Variants in CDYL observed in about 807,000 individuals in gnomAD.
The protein encoded by CDYL is chromodomain Y like, also known as chromodomain Y-like protein.
In CDYL, 8 loss-of-function variants were observed where a neutral mutation model predicts 47.3. The observed-to-expected ratio is 0.17, with a 90% CI of 0.10 to 0.31. The LOEUF (loss-of-function observed/expected upper bound fraction) is 0.31, where lower values mean the gene tolerates loss of function less well. Ranked by LOEUF, CDYL falls within the 10% of genes least tolerant of loss-of-function variation. CDYL has a pLI of 1.00. For missense variants in CDYL, 471 were observed against 701.4 expected (o/e 0.67, Z 3.71); for synonymous variants, 266 against 265.0 (o/e 1.00, Z -0.04).
chr6:4,771,221 C>T (rs1356581447), intron 3 of CDYL, among the ~76,000 whole-genome samples: 3 of 152,000 alleles, frequency 2.0e-5, no homozygotes, highest in Non-Finnish European at 2.9e-5. Flanking sequence ...TCAAGTGATC[C>T]TCTTGCCTCA....
intron 2 of CDYL, among the ~76,000 whole-genome samples, chr6:4,902,574 C>T (rs1039616460): frequency 6.6e-6 from 1 of 152,200 alleles, no homozygotes; most frequent in African/African-American, 2.4e-5. Flanking sequence ...GTGCCCAGCT[C>T]TGTACTTCCT....
chr6:4,794,404 A>C (rs1759012885), intron 1 of CDYL, among the ~76,000 whole-genome samples: 1 of 152,086 alleles, frequency 6.6e-6, no homozygotes, highest in African/African-American at 2.4e-5. Context: ...TGGAGACTGG[A>C]GTCTGGCATG....
At chr6:4,819,567 C>T (rs1759775955) in intron 1 of CDYL, among the ~76,000 whole-genome samples, 1 of 152,158 alleles carries the variant, frequency 6.6e-6, no homozygotes, top group East Asian at 1.9e-4. Context: ...CATCTTGAGG[C>T]TCAGGTATCT....
chr6:4,818,550 G>C (rs773542744), intron 1 of CDYL, among the ~76,000 whole-genome samples: 1 of 152,164 alleles, frequency 6.6e-6, no homozygotes, highest in Non-Finnish European at 1.5e-5. Context: ...GTATTCATTA[G>C]ATGCATAGAG....
intron 1 of CDYL, among the ~76,000 whole-genome samples, chr6:4,802,703 T>C (rs1439633565): frequency 6.6e-6 from 1 of 152,176 alleles, no homozygotes; most frequent in Non-Finnish European, 1.5e-5. Flanking sequence ...TTTCATTGCT[T>C]TTAGGGTCAT....
In CDYL at chr6:4,900,110, T is replaced by C. The variant is rs529884162; in HGVS notation, c.691+7731T>C. The stretch of plus-strand genomic sequence containing the variant: ...GTTCACTGTTACCTCCCCCTCTGAA[T>C]ACCAAATTCCCCAGAGAGAACATCA... On this transcript the variant is annotated intron_variant, in intron 2 of 6. Coordinates refer to ENST00000397588, the MANE Select transcript of CDYL (RefSeq NM_004824.4). 4.6e-5 allele frequency among the ~76,000 whole-genome samples: 7 copies of C among 152,354 alleles called. No individual in the cohort carries two copies. The South Asian group carries it at 1.0e-3, about 23-fold the overall frequency.
intron 1 of CDYL, among the ~76,000 whole-genome samples, chr6:4,797,426 T>C (rs1759104177): frequency 6.7e-6 from 1 of 149,706 alleles, no homozygotes; most frequent in Non-Finnish European, 1.5e-5. Flanking sequence ...TCTTTTCATT[T>C]CTTTTTTTTT....
At chr6:4,921,622 A>C (rs766874719) in intron 2 of CDYL, among the ~76,000 whole-genome samples, 34 of 152,032 alleles carry the variant, frequency 2.2e-4, no homozygotes, top group Admixed American at 1.0e-3. Context: ...CAATGCCTCC[A>C]CCTTTGTGTC....
At position 4,892,102 on chromosome 6, in the gene CDYL, A is replaced by G. The variant is rs72821458; in HGVS notation, c.414A>G (p.Ser138=). The G allele has an allele frequency of 5.6e-6, 9 of 1,614,242 alleles. No homozygotes were observed. Among genetic ancestry groups the G allele is most frequent in the African/African-American group, 1.3e-5 (1 of 75,062 alleles). ...SSRKNMDLAK[S]GIKILVPKSP... ...GGAAGAACATGGACCTAGCGAAGTC[A>G]GGTATCAAGATCCTCGTGCCTAAAA... The change falls in exon 2 of 7, where the codon TCA becomes TCG. Residue 138 remains serine, a synonymous_variant. Coordinates refer to ENST00000397588, the MANE Select transcript of CDYL (RefSeq NM_004824.4).
chr6:4,947,820 TCACGGCGGTTCCCGGTGCCC>T (rs1758575790), intron 5 of CDYL, among the ~76,000 whole-genome samples: 1 of 152,162 alleles, frequency 6.6e-6, no homozygotes, highest in Non-Finnish European at 1.5e-5. Flanking sequence ...CCACGTGGCC[TCACGGCGGTTCCCGGTGCCC>T]CACTGCAGTT....
At chr6:4,921,573 T>G (rs1757718142) in intron 2 of CDYL, among the ~76,000 whole-genome samples, 1 of 152,160 alleles carries the variant, frequency 6.6e-6, no homozygotes, top group South Asian at 2.1e-4. Context: ...TTGTTATTCC[T>G]CGTAGGTGGG....
At chr6:4,950,805 G>T (rs1388894062) in intron 5 of CDYL, among the ~76,000 whole-genome samples, 1 of 151,964 alleles carries the variant, frequency 6.6e-6, no homozygotes, top group Non-Finnish European at 1.5e-5. Context: ...GGTGGCGGGC[G>T]CCTGTAGTCC....
chr6:4,856,422 T>A (rs2127466221), intron 1 of CDYL, among the ~76,000 whole-genome samples: 1 of 152,142 alleles, frequency 6.6e-6, no homozygotes, highest in African/African-American at 2.4e-5. Context: ...AGTCCCTGAA[T>A]GAGACAGAGC....
intron 2 of CDYL, among the ~76,000 whole-genome samples, chr6:4,723,853 G>A (rs1189126663): frequency 4.0e-5 from 6 of 151,328 alleles, no homozygotes; most frequent in African/African-American, 1.5e-4. Context: ...GCCAAAAACT[G>A]AGTGTTTAGG....
intron 1 of CDYL, among the ~76,000 whole-genome samples, chr6:4,813,189 C>A (rs1333530710): frequency 1.3e-5 from 2 of 152,120 alleles, no homozygotes; most frequent in East Asian, 3.9e-4. Context: ...ATTTCATTTT[C>A]TCATCTGGTG....
intron 1 of CDYL, among the ~76,000 whole-genome samples, chr6:4,798,173 G>A (rs897828327): frequency 6.6e-6 from 1 of 151,926 alleles, no homozygotes; most frequent in Non-Finnish European, 1.5e-5. Context: ...GAGTTTCACC[G>A]TGTTTCCCTG....
At chr6:4,952,470 G>A in intron 6 of CDYL, 61 bp downstream of exon 6, 2 of 1,548,980 alleles carry the variant, frequency 1.3e-6, no homozygotes, top group Non-Finnish European at 8.7e-7. Flanking sequence ...TTCCCTCAGA[G>A]AGCTCACAAA....
In CDYL at chr6:4,955,521, A is replaced by G. The variant is rs572650673; in HGVS notation, c.*1465A>G. The G allele has an allele frequency of 1.2e-4, 18 of 152,766 alleles. No individual in the cohort carries two copies. Among genetic ancestry groups the G allele is most frequent in the Admixed American group, 1.0e-3 (16 of 15,306 alleles). 9.5% of individuals were successfully genotyped at this position (152,766 alleles called of 1,614,324 possible). ...ATATTCAGCTGTGAAAACTGGTTAA[A>G]TAAAACTAATATTTCTTAACACATT... On this transcript the variant is annotated 3_prime_UTR_variant, in exon 7 of 7. Coordinates refer to ENST00000397588, the MANE Select transcript of CDYL (RefSeq NM_004824.4).
chr6:4,823,469 T>G (rs998731321), intron 1 of CDYL, among the ~76,000 whole-genome samples: 3 of 152,242 alleles, frequency 2.0e-5, no homozygotes, highest in African/African-American at 7.2e-5. Context: ...TTTTCTCTTG[T>G]AATAAAATAC....
Sources: gnomAD v4.1 joint callset for allele counts (sites outside exome capture counted in the v4.1 genomes callset) on GRCh38, gnomAD v4.1.1 for gene constraint, MANE v1.5 for transcripts, NCBI Gene and HGNC (gene_info 2026-07-23, HGNC 2026-07-21) for gene names.